TTN: variants seen among roughly 807,000 people sequenced by gnomAD.
TTN encodes the protein titin, also known as connectin.
In TTN, 1,525 loss-of-function variants were observed where a neutral mutation model predicts 3,223.0. The observed-to-expected ratio is 0.47, with a 90% CI of 0.45 to 0.49. The LOEUF is 0.49. Among genes scored for constraint, TTN ranks in the 20% least tolerant of loss-of-function variants. The pLI, the probability that TTN is intolerant of heterozygous loss-of-function variation, is 0.00. For synonymous variants in TTN, 14,094 were observed against 15,161.0 expected (o/e 0.93, Z 5.17); for missense variants, 40,786 against 43,424.0 (o/e 0.94, Z 5.40).
intron 6 of TTN, among the ~76,000 whole-genome samples, chr2:178,795,930 G>GC (rs949323503): frequency 3.9e-5 from 6 of 152,124 alleles, no homozygotes; most frequent in Non-Finnish European, 8.8e-5. Flanking sequence ...GTTTACACTC[G>GC]CCCCCCTTGT....
Position 178,667,323 on chromosome 2 carries a change from TA to T in TTN, c.35714-5del. The T allele has an allele frequency of 6.3e-7, 1 of 1,596,136 alleles. No individual in the cohort carries two copies. Among genetic ancestry groups the T allele is most frequent in the Admixed American group, 1.7e-5 (1 of 58,030 alleles). On this transcript the variant is annotated splice_region_variant and splice_polypyrimidine_tract_variant and intron_variant, in intron 161 of 362. Coordinates refer to ENST00000589042, the MANE Select transcript of TTN (RefSeq NM_001267550.2). ...ATGCCTCTGGTTGTATCAGGTTCTT[TA>T]AAGATATTAGTAGGTTTACATTTAA... is the stretch of plus-strand genomic sequence containing the variant.
intron 47 of TTN, chr2:178,746,438 A>C (rs754838797): frequency 1.9e-6 from 3 of 1,611,198 alleles, no homozygotes; most frequent in Non-Finnish European, 2.5e-6. Flanking sequence ...AAATTCTTTA[A>C]CGTCTTTTTC....
chr2:178,602,272 G>A lies in TTN; in HGVS notation c.55120+10C>T. The A allele has an allele frequency of 1.2e-6, 2 of 1,612,302 alleles. No individual in the cohort carries two copies. Among genetic ancestry groups the A allele is most frequent in the African/African-American group, 1.3e-5 (1 of 74,902 alleles). On this transcript the variant is annotated intron_variant, in intron 283 of 362. Coordinates refer to ENST00000589042, the MANE Select transcript of TTN (RefSeq NM_001267550.2). ...AAAGAGGAATACATAAACTGAGTAA[G>A]TACTAGTACCTTGAATATCAGTGGC... is the stretch of plus-strand genomic sequence containing the variant.
chr2:178,526,199 GT>G lies in TTN; in HGVS notation c.*812del, dbSNP rs1459548342. ...TGTGGCTCATTGCTTAGGTGCCCAG[GT>G]TTTTCAGGTGCAATTAAAATTTAGA... On this transcript the variant is annotated 3_prime_UTR_variant, in exon 363 of 363. Coordinates refer to ENST00000589042, the MANE Select transcript of TTN (RefSeq NM_001267550.2). 1 of 152,560 alleles carries G rather than the reference GT, an allele frequency of 6.6e-6. No individual in the cohort carries two copies. Among genetic ancestry groups the G allele is most frequent in the Non-Finnish European group, 1.5e-5 (1 of 68,036 alleles). 9.5% of individuals were successfully genotyped at this position (152,560 alleles called of 1,614,324 possible). A position where few individuals can be genotyped will look rare whatever the true frequency, so the allele number is the denominator to read the frequency against.
rs1308531791 is a variant in TTN, at chr2:178,548,624, T to C, written c.93002A>G (p.Asn31001Ser). Residue 31001 changes from asparagine (N) to serine (S), a missense_variant, in exon 339 of 363, where the codon AAC (asparagine) becomes AGC (serine). Transcript: ENST00000589042. This position sits in a 1 kb window ranked among gnomAD's most constrained non-coding sequence, Gnocchi z 4.3. Reference sequence around the variant, plus strand: ...GAATGTGATTGACTTACTACCACTGTTGTTTTCCACAGTAAGGGTATATTT... The same window carrying C: ...GAATGTGATTGACTTACTACCACTGCTGTTTTCCACAGTAAGGGTATATTT... The part of the protein sequence containing the change: ...AGKYTLTVEN[N>S]SGSKSITFTV... 5.6e-6 allele frequency: 9 copies of C among 1,613,886 alleles called. No homozygotes were observed. Among genetic ancestry groups the C allele is most frequent in the Non-Finnish European group, 7.6e-6 (9 of 1,179,798 alleles).
intron 13 of TTN, 136 bp downstream of exon 13, chr2:178,789,224 A>C: frequency 1.7e-6 from 2 of 1,146,882 alleles, no homozygotes; most frequent in Non-Finnish European, 1.3e-6. Flanking sequence ...TCTAAAAAAT[A>C]AATTTGGTTA....
At chr2:178,744,811 T>C (rs1224311768) in intron 47 of TTN, 1 of 985,030 alleles carries the variant, frequency 1.0e-6, no homozygotes, top group African/African-American at 1.7e-5. Context: ...CATTTTACAC[T>C]TGATGTCATC....
intron 157 of TTN, 25 bp from the exon 158 acceptor site, chr2:178,669,700 T>C: frequency 6.2e-7 from 1 of 1,605,386 alleles, no homozygotes; most frequent in Non-Finnish European, 8.5e-7. Flanking sequence ...ATTTATCTTA[T>C]TTTTTCAGAA....
intron 69 of TTN, chr2:178,726,867 C>G (rs1397259993): frequency 2.6e-6 from 1 of 388,010 alleles, no homozygotes; most frequent in Non-Finnish European, 4.4e-6. Context: ...TTGAGGTAAT[C>G]AGAATTATGA....
intron 274 of TTN, 43 bp downstream of exon 274, chr2:178,608,563 T>C (rs1175395973): frequency 6.3e-7 from 1 of 1,586,586 alleles, no homozygotes; most frequent in Admixed American, 1.8e-5. Flanking sequence ...TATACCAAAG[T>C]ACATGGTAAA....
chr2:178,788,093 A>G (rs1371658406), intron 13 of TTN, among the ~76,000 whole-genome samples: 1 of 152,102 alleles, frequency 6.6e-6, no homozygotes, highest in Non-Finnish European at 1.5e-5. Context: ...ATGGAACACT[A>G]GAAGCACAAT....
chr2:178,537,907 G>T lies in TTN; in HGVS notation c.99300C>A (p.Ala33100=). The T allele has an allele frequency of 6.2e-7, 1 of 1,607,900 alleles. No individual in the cohort carries two copies. Among genetic ancestry groups the T allele is most frequent in the South Asian group, 1.1e-5 (1 of 90,484 alleles). ...SIKTKLTSGE[A]PGIRKEMKDV... ...CCTTCATTTCTTTGCGTATTCCTGG[G>T]GCCTCTCCAGCTGAACAATATGAAA... Residue 33100 remains alanine, a synonymous_variant, in exon 355 of 363, where the codon GCC becomes GCA. Coordinates refer to ENST00000589042, the MANE Select transcript of TTN (RefSeq NM_001267550.2).
At chr2:178,751,456 C>T in intron 47 of TTN, 1 of 1,613,062 alleles carries the variant, frequency 6.2e-7, no homozygotes, top group Non-Finnish European at 8.5e-7. Flanking sequence ...CCTTTTGTTC[C>T]ACATCTTGTT....
rs769494020 is a variant in TTN at position 178,651,897 on chromosome 2, C to A, written c.39366G>T (p.Ala13122=). 3 of 1,608,360 alleles carry A rather than the reference C, an allele frequency of 1.9e-6. No homozygotes were observed. In the South Asian group the frequency reaches 3.3e-5, roughly 18 times the overall value. ...PAEVVEEPEP[A]APPQVTVPPK... ...CTTGCCATGTACCTTGTGGAGGCGC[C>A]GCTGGCTCTGGCTCTTCCACAACTT... Residue 13122 remains alanine (A), a synonymous_variant, in exon 205 of 363, where the codon GCG becomes GCT. Coordinates refer to ENST00000589042, the MANE Select transcript of TTN (RefSeq NM_001267550.2).
At position 178,601,086 on chromosome 2, in the gene TTN, A is replaced by G. The variant is rs1403474927; in HGVS notation, c.55818T>C (p.Asp18606=). 4 of 1,607,168 alleles carry G rather than the reference A, an allele frequency of 2.5e-6. No individual in the cohort carries two copies. The highest frequency in any genetic ancestry group is 1.1e-5 in the South Asian group (1 of 90,134). ...VHLSWKPPKN[D]GGSPVTHYIV... is the part of the protein sequence containing the mutation. ...TATAGTGGGTAACAGGGGAGCCCCCATCATTCTTCGGGGGTTTCCATGACA... is the reference window on the plus strand; with the variant it reads ...TATAGTGGGTAACAGGGGAGCCCCCGTCATTCTTCGGGGGTTTCCATGACA... Residue 18606 remains aspartate, a synonymous_variant, in exon 288 of 363, where the codon GAT becomes GAC. Transcript: ENST00000589042.
Position 178,591,717 on chromosome 2 carries a change from C to A in TTN, c.60102G>T (p.Glu20034Asp). 1.2e-6 allele frequency: 2 copies of A among 1,613,378 alleles called. No homozygotes were observed. The highest frequency in any genetic ancestry group is 8.5e-7 in the Non-Finnish European group (1 of 1,179,554). ...WIKFKTVTNLECVVTGLQQGK... is the reference protein window; with the variant it reads ...WIKFKTVTNLDCVVTGLQQGK... ...CTTGTTGTAGTCCAGTAACCACACA[C>A]TCTAAGTTTGTCACAGTCTTAAATT... Residue 20034 changes from glutamate to aspartate, a missense_variant, in exon 303 of 363, where the codon GAG becomes GAT. Physicochemically the swap from Glu to Asp is conservative, Grantham distance 45 (BLOSUM62 2). Coordinates refer to ENST00000589042, the MANE Select transcript of TTN (RefSeq NM_001267550.2).
chr2:178,529,022 T>C lies in TTN; in HGVS notation c.106729A>G (p.Lys35577Glu). ...ASKVLISEEVKKSAATSLEKS... is the reference protein window; with the variant it reads ...ASKVLISEEVEKSAATSLEKS... ...TCCAGGGAGGTTGCTGCTGATTTCT[T>C]GACTTCTTCAGAAATCAGAACCTTT... Residue 35577 changes from lysine to glutamate, a missense_variant, in exon 360 of 363, where the codon AAG becomes GAG. Coordinates refer to ENST00000589042, the MANE Select transcript of TTN (RefSeq NM_001267550.2). 6.2e-7 allele frequency: 1 copy of C among 1,614,008 alleles called. No homozygotes were observed. The highest frequency in any genetic ancestry group is 1.1e-5 in the South Asian group (1 of 91,086).
In TTN at chr2:178,777,064, G is replaced by A. The variant is rs2154346421; in HGVS notation, c.4815-15C>T. ...TTCCTTCAATTCTATAAAAAGTTGG[G>A]GGAGGGAATAATCAATATAGTGGTA... On this transcript the variant is annotated splice_polypyrimidine_tract_variant and intron_variant, in intron 27 of 362. Coordinates refer to ENST00000589042, the MANE Select transcript of TTN (RefSeq NM_001267550.2). The A allele has an allele frequency of 1.9e-6, 3 of 1,613,916 alleles. No individual in the cohort carries two copies. Among genetic ancestry groups the A allele is most frequent in the Non-Finnish European group, 1.7e-6 (2 of 1,179,966 alleles).
chr2:178,741,255 GA>G lies in TTN; in HGVS notation c.11977del (p.Ser3993LeufsTer43). 2 of 1,613,690 alleles carry G rather than the reference GA, an allele frequency of 1.2e-6. No homozygotes were observed. The highest frequency in any genetic ancestry group is 1.7e-6 in the Non-Finnish European group (2 of 1,179,820). On this transcript the variant is annotated frameshift_variant, in exon 48 of 363. Coordinates refer to ENST00000589042, the MANE Select transcript of TTN (RefSeq NM_001267550.2). LOFTEE classifies it high-confidence loss of function. The stretch of plus-strand genomic sequence containing the variant: ...AGGGTCATTGACAATGAAAGTTCCA[GA>G]GCCATTAGGGTTATGAATGATAGTG... ...YYTIIHNPNG[S>X]GTFIVNDPQR... is the part of the protein sequence containing the mutation.
Sources: gnomAD v4.1 joint callset for allele counts (sites outside exome capture counted in the v4.1 genomes callset) on GRCh38, gnomAD v4.1.1 for gene constraint, Gnocchi (gnomAD v3.1) non-coding constraint, MANE v1.5 for transcripts, NCBI Gene and HGNC (gene_info 2026-07-23, HGNC 2026-07-21) for gene names.